The following B3GALNT2 variants were observed in gnomAD, a reference collection of about 807,000 sequenced individuals.
B3GALNT2 encodes the protein UDP-GalNAc:beta-1,3-N-acetylgalactosaminyltransferase 2.
In B3GALNT2, 53 loss-of-function variants were observed where a neutral mutation model predicts 61.1. The ratio of observed to expected loss-of-function variants is 0.87; its 90% CI spans 0.70 to 1.09. The LOEUF is 1.09. Ranked by LOEUF, B3GALNT2 falls within the 50% of genes least tolerant of loss-of-function variation. The probability of loss-of-function intolerance (pLI) is 0.00; values close to 1 mark genes in which losing one functional copy is unlikely to be tolerated. For synonymous variants in B3GALNT2, 223 were observed against 237.4 expected (o/e 0.94, Z 0.56); for missense variants, 544 against 623.0 (o/e 0.87, Z 1.35).
chr1:235,495,866 G>T (rs1465951717), intron 1 of B3GALNT2, among the ~76,000 whole-genome samples: 1 of 152,108 alleles, frequency 6.6e-6, no homozygotes, highest in Admixed American at 6.5e-5. Context: ...TAGGTATTCA[G>T]TCTAAAAGAC....
At position 235,479,958 on chromosome 1, in the gene B3GALNT2, G is replaced by A. The variant is rs1022370730; in HGVS notation, c.651+96C>T. 4 of 1,528,664 alleles carry A rather than the reference G, an allele frequency of 2.6e-6. No homozygotes were observed. The African/African-American group carries it at 5.5e-5, about 21-fold the overall frequency. 94.7% of individuals were successfully genotyped at this position (1,528,664 alleles called of 1,614,324 possible). ...ATCTATCACTCTGGAGTGCTGCCCT[G>A]GTACAAGAAAATATCAAGTGCCTGC... On this transcript the variant is annotated intron_variant, in intron 5 of 11. Transcript: ENST00000366600.
At chr1:235,474,603 T>C (rs1012254261) in intron 5 of B3GALNT2, among the ~76,000 whole-genome samples, 5 of 152,048 alleles carry the variant, frequency 3.3e-5, no homozygotes, top group African/African-American at 1.2e-4. Context: ...GTGGATCACC[T>C]GAGGTCAGGA....
intron 6 of B3GALNT2, among the ~76,000 whole-genome samples, chr1:235,466,006 C>T (rs1683676576): frequency 6.6e-6 from 1 of 151,932 alleles, no homozygotes; most frequent in South Asian, 2.1e-4. Context: ...GTACAAAAAG[C>T]AATTGATTTT....
the B3GALNT2 span, among the ~76,000 whole-genome samples, chr1:235,440,066 G>T: frequency 6.6e-6 from 1 of 152,136 alleles, no homozygotes; most frequent in Non-Finnish European, 1.5e-5. Context: ...CGCCTCCCGG[G>T]TTCACGCCAT....
downstream of B3GALNT2, chr1:235,442,966 G>T (rs902401517): frequency 3.1e-5 from 49 of 1,579,820 alleles, no homozygotes; most frequent in Non-Finnish European, 3.8e-5. Context: ...GCCTAGGTAT[G>T]AGTCAGCTAA....
chr1:235,491,325 T>C (rs1277833456), intron 2 of B3GALNT2, among the ~76,000 whole-genome samples: 2 of 152,212 alleles, frequency 1.3e-5, no homozygotes. Flanking sequence ...AAGCGTTCTA[T>C]GAGAATCAAC....
chr1:235,446,391 G>A (rs371628401), downstream of B3GALNT2, among the ~76,000 whole-genome samples: 19 of 152,174 alleles, frequency 1.2e-4, no homozygotes, highest in African/African-American at 4.3e-4. Flanking sequence ...TGGCCAGGCT[G>A]GTCTCAAACT....
chr1:235,498,781 T>C (rs1475080724), intron 1 of B3GALNT2, among the ~76,000 whole-genome samples: 1 of 134,170 alleles, frequency 7.5e-6, no homozygotes, highest in African/African-American at 2.8e-5. Flanking sequence ...GAGGCAGAGG[T>C]TGCAGTCAGC....
At chr1:235,496,462 T>C (rs1254145576) in intron 1 of B3GALNT2, among the ~76,000 whole-genome samples, 1 of 152,054 alleles carries the variant, frequency 6.6e-6, no homozygotes, top group Non-Finnish European at 1.5e-5. Flanking sequence ...TAATAGGCCA[T>C]ATTTATTGAA....
At chr1:235,477,644 T>C (rs1684349822) in intron 5 of B3GALNT2, among the ~76,000 whole-genome samples, 1 of 152,152 alleles carries the variant, frequency 6.6e-6, no homozygotes, top group African/African-American at 2.4e-5. Context: ...GTCCTGTGGC[T>C]GCAGGATGTT....
rs1237223774 is a variant in B3GALNT2, at chr1:235,449,383, A to G, written c.*823T>C. The G allele has an allele frequency of 6.5e-6, 1 of 153,382 alleles. No homozygotes were observed. The highest frequency in any genetic ancestry group is 1.5e-5 in the Non-Finnish European group (1 of 68,864). 9.5% of individuals were successfully genotyped at this position (153,382 alleles called of 1,614,324 possible). A position where few individuals can be genotyped will look rare whatever the true frequency, so the allele number is the denominator to read the frequency against. ...TAGGTAAACATTAGGCAATGATAGGAGGAAAGCAAAACTAATTCTTTCAAA... is the reference window on the plus strand; with the variant it reads ...TAGGTAAACATTAGGCAATGATAGGGGGAAAGCAAAACTAATTCTTTCAAA... On this transcript the variant is annotated 3_prime_UTR_variant, in exon 12 of 12. Transcript: ENST00000366600.
the B3GALNT2 span, among the ~76,000 whole-genome samples, chr1:235,440,146 A>G: frequency 5.9e-5 from 9 of 151,772 alleles, no homozygotes; most frequent in Non-Finnish European, 1.3e-4. Flanking sequence ...AATTTTTTGT[A>G]TTTTTAGTAG....
chr1:235,498,058 A>G (rs1372417873), intron 1 of B3GALNT2, among the ~76,000 whole-genome samples: 3 of 152,202 alleles, frequency 2.0e-5, no homozygotes, highest in Non-Finnish European at 2.9e-5. Context: ...GAACTACTTC[A>G]AGATATATTG....
Position 235,460,285 on chromosome 1 carries a change from T to A in B3GALNT2, c.842-1499A>T, listed in dbSNP as rs145941224. ...GCGCCTGCCACTGTGCCCAGCTAAT[T>A]GTTTGTATTTTTACAAACAATTGTA... On this transcript the variant is annotated intron_variant, in intron 7 of 11. Coordinates refer to ENST00000366600, the MANE Select transcript of B3GALNT2 (RefSeq NM_152490.5). 8.0e-3 allele frequency among the ~76,000 whole-genome samples: 1,215 copies of A among 151,272 alleles called. 15 individuals are homozygous for A. Among genetic ancestry groups the A allele is most frequent in the African/African-American group, 0.027 (1,104 of 41,238 alleles).
At chr1:235,460,741 T>C (rs899962634) in intron 7 of B3GALNT2, among the ~76,000 whole-genome samples, 1 of 151,792 alleles carries the variant, frequency 6.6e-6, no homozygotes, top group African/African-American at 2.4e-5. Context: ...ACCCAGGAAA[T>C]TTTCAAGTTT....
chr1:235,450,884 C>A (rs1432401786), intron 11 of B3GALNT2: 3 of 152,564 alleles, frequency 2.0e-5, no homozygotes, highest in Admixed American at 1.3e-4. Context: ...AGCTCAAGTT[C>A]TTAACCACTA....
chr1:235,496,547 CTTTTTTT>C (rs1396277043), intron 1 of B3GALNT2, among the ~76,000 whole-genome samples: 1 of 133,410 alleles, frequency 7.5e-6, no homozygotes, highest in Non-Finnish European at 1.6e-5. Context: ...GTACTTGTTT[CTTTTTTT>C]TTTTTTTTTT....
intron 1 of B3GALNT2, chr1:235,496,311 GAAAAA>G: frequency 4.0e-6 from 3 of 752,992 alleles, no homozygotes; most frequent in Non-Finnish European, 3.4e-6. Flanking sequence ...GACTCCACCT[GAAAAA>G]AAAAAAAAAG....
intron 1 of B3GALNT2, among the ~76,000 whole-genome samples, chr1:235,498,390 C>G (rs756500512): frequency 1.3e-5 from 2 of 152,080 alleles, no homozygotes; most frequent in African/African-American, 2.4e-5. Context: ...AAATAGCAAG[C>G]CTATGAAAAC....
Sources: gnomAD v4.1 joint callset for allele counts (sites outside exome capture counted in the v4.1 genomes callset) on GRCh38, gnomAD v4.1.1 for gene constraint, MANE v1.5 for transcripts, NCBI Gene and HGNC (gene_info 2026-07-23, HGNC 2026-07-21) for gene names.